ST6GALNAC3: variants seen among roughly 807,000 people sequenced by gnomAD.
ST6GALNAC3 encodes the protein ST6 N-acetylgalactosaminide alpha-2,6-sialyltransferase 3, also known as alpha-N-acetylgalactosaminide alpha-2,6-sialyltransferase 3.
Under a neutral mutation model 32.7 loss-of-function variants are expected in ST6GALNAC3, and 25 were observed. The observed-to-expected ratio is 0.76, with a 90% CI of 0.56 to 1.07. The LOEUF (loss-of-function observed/expected upper bound fraction) is 1.07. ST6GALNAC3 is among the 50% of genes least tolerant of loss of function. The probability of loss-of-function intolerance (pLI) is 0.00; values close to 1 mark genes in which losing one functional copy is unlikely to be tolerated. For synonymous variants in ST6GALNAC3, 129 were observed against 133.1 expected (o/e 0.97, Z 0.21); for missense variants, 355 against 382.4 (o/e 0.93, Z 0.60).
At chr1:76,635,994 C>A (rs1488500499), downstream of ST6GALNAC3, among the ~76,000 whole-genome samples, 1 of 152,102 alleles carries the variant, frequency 6.6e-6, no homozygotes, top group Non-Finnish European at 1.5e-5. Flanking sequence ...GACATAATAG[C>A]TGAAAAAGAA....
intron 3 of ST6GALNAC3, among the ~76,000 whole-genome samples, chr1:76,455,387 G>A (rs1657701187): frequency 6.6e-6 from 1 of 152,158 alleles, no homozygotes; most frequent in South Asian, 2.1e-4. Flanking sequence ...ATGTGTTTGA[G>A]TGGAAGGTTT....
intron 3 of ST6GALNAC3, among the ~76,000 whole-genome samples, chr1:76,421,245 T>G (rs1209890248): frequency 6.6e-6 from 1 of 152,114 alleles, no homozygotes; most frequent in Non-Finnish European, 1.5e-5. Flanking sequence ...AGGATTGGAT[T>G]TTGATAGAAA....
rs1019525055 is a variant in ST6GALNAC3, at chr1:76,439,778, A to G, written c.623+27361A>G. The stretch of plus-strand genomic sequence containing the variant: ...AGATAAGGAGCTTGTCACACACCAG[A>G]CTGAACAAGTAGCAAATACAAGAGT... On this transcript the variant is annotated intron_variant, in intron 3 of 4. Coordinates refer to ENST00000328299, the MANE Select transcript of ST6GALNAC3 (RefSeq NM_152996.4). 3.9e-5 allele frequency among the ~76,000 whole-genome samples: 6 copies of G among 152,202 alleles called. No individual in the cohort carries two copies. The East Asian group carries it at 1.2e-3, about 29-fold the overall frequency.
intron 3 of ST6GALNAC3, among the ~76,000 whole-genome samples, chr1:76,479,020 C>G (rs1458056491): frequency 1.3e-5 from 2 of 152,042 alleles, no homozygotes; most frequent in East Asian, 1.9e-4. Context: ...ACCTTGGCCT[C>G]CCAAAGTGCT....
At position 76,385,716 on chromosome 1, in the gene ST6GALNAC3, T is replaced by C. The variant is rs186996476; in HGVS notation, c.214-26292T>C. Among the ~76,000 whole-genome samples the C allele has an allele frequency of 1.9e-3, 282 of 152,206 alleles. 1 individual carries two copies. Among genetic ancestry groups the C allele is most frequent in the African/African-American group, 6.4e-3 (267 of 41,548 alleles). On this transcript the variant is annotated intron_variant, in intron 2 of 4. Coordinates refer to ENST00000328299, the MANE Select transcript of ST6GALNAC3 (RefSeq NM_152996.4). ...TACAAGCAATCAGGAAGACGGGCTTTCTGGACAGCGAGAAGGGAAGATATT... is the reference window on the plus strand; with the variant it reads ...TACAAGCAATCAGGAAGACGGGCTTCCTGGACAGCGAGAAGGGAAGATATT...
At chr1:76,448,615 G>A (rs1432045811) in intron 3 of ST6GALNAC3, among the ~76,000 whole-genome samples, 1 of 152,102 alleles carries the variant, frequency 6.6e-6, no homozygotes, top group East Asian at 1.9e-4. Flanking sequence ...GTCTTTCCCT[G>A]TGGGAGCATG....
At chr1:76,113,396 T>C (rs766933411) in intron 1 of ST6GALNAC3, among the ~76,000 whole-genome samples, 1 of 151,750 alleles carries the variant, frequency 6.6e-6, no homozygotes, top group Non-Finnish European at 1.5e-5. Flanking sequence ...TATGGGGTCT[T>C]ATCTGCAAAC....
chr1:76,131,936 A>G (rs555072326), intron 1 of ST6GALNAC3, among the ~76,000 whole-genome samples: 1 of 152,310 alleles, frequency 6.6e-6, no homozygotes, highest in Admixed American at 6.5e-5. Context: ...TGCAAGGGGT[A>G]CCATGATCAT....
chr1:76,258,392 C>T (rs1037455448), intron 1 of ST6GALNAC3, among the ~76,000 whole-genome samples: 1 of 152,170 alleles, frequency 6.6e-6, no homozygotes, highest in Middle Eastern at 3.2e-3. Context: ...TCAAATACTG[C>T]TTCTTCAGAT....
At chr1:76,406,078 TA>T (rs1000777586) in intron 2 of ST6GALNAC3, among the ~76,000 whole-genome samples, 2 of 151,868 alleles carry the variant, frequency 1.3e-5, no homozygotes, top group Non-Finnish European at 2.9e-5. Flanking sequence ...TATAATAAAA[TA>T]AAAATAAAAA....
At chr1:76,254,083 T>C (rs1309890188) in intron 1 of ST6GALNAC3, among the ~76,000 whole-genome samples, 4 of 152,128 alleles carry the variant, frequency 2.6e-5, no homozygotes, top group Non-Finnish European at 5.9e-5. Flanking sequence ...GAAAATGACT[T>C]TATTTCTTCG....
intron 1 of ST6GALNAC3, among the ~76,000 whole-genome samples, chr1:76,244,543 C>T (rs141269761): frequency 6.6e-6 from 1 of 152,208 alleles, no homozygotes; most frequent in African/African-American, 2.4e-5. Flanking sequence ...AAAGAGAATG[C>T]TTCCAGGTTT....
chr1:76,561,670 A>G (rs1342776537), intron 3 of ST6GALNAC3, among the ~76,000 whole-genome samples: 1 of 152,218 alleles, frequency 6.6e-6, no homozygotes, highest in Non-Finnish European at 1.5e-5. Flanking sequence ...CACTGCTGAT[A>G]GGGAATCAAA....
chr1:76,163,117 T>C (rs927798910), intron 1 of ST6GALNAC3, among the ~76,000 whole-genome samples: 2 of 152,238 alleles, frequency 1.3e-5, no homozygotes, highest in African/African-American at 4.8e-5. Flanking sequence ...CTCTTTTTAA[T>C]GAAGCTTCCT....
chr1:76,201,903 G>C (rs1654541537), intron 1 of ST6GALNAC3, among the ~76,000 whole-genome samples: 1 of 152,072 alleles, frequency 6.6e-6, no homozygotes, highest in Admixed American at 6.6e-5. Context: ...TATGTACACA[G>C]CATTTGGCAT....
At position 76,628,700 on chromosome 1, in the gene ST6GALNAC3, A is replaced by G. The variant is rs1050875077; in HGVS notation, c.812A>G (p.His271Arg). Residue 271 changes from histidine (H) to arginine (R), a missense_variant, in exon 5 of 5, where the codon CAT becomes CGT. Transcript: ENST00000328299. Reference sequence around the variant, plus strand: ...TGTGATGAATATTTTCTTCATGAACATGCCCCATATGGGGGTCATAGGTTT... The same window carrying G: ...TGTGATGAATATTTTCTTCATGAACGTGCCCCATATGGGGGTCATAGGTTT... Reference protein sequence around the residue: ...DECDEYFLHEHAPYGGHRFIT... With the variant: ...DECDEYFLHERAPYGGHRFIT... 4 of 1,612,356 alleles carry G rather than the reference A, an allele frequency of 2.5e-6. No homozygotes were observed. The highest frequency in any genetic ancestry group is 2.5e-6 in the Non-Finnish European group (3 of 1,179,076).
intron 1 of ST6GALNAC3, among the ~76,000 whole-genome samples, chr1:76,157,310 G>A (rs900642855): frequency 6.6e-6 from 1 of 152,102 alleles, no homozygotes; most frequent in African/African-American, 2.4e-5. Flanking sequence ...GATCATTCTA[G>A]CCTTCCCCCT....
intron 1 of ST6GALNAC3, among the ~76,000 whole-genome samples, chr1:76,275,007 T>C (rs72998571): frequency 0.014 from 2,146 of 152,280 alleles, 45 homozygotes; most frequent in African/African-American, 0.049. Flanking sequence ...AGAATAATAG[T>C]GTGGTGTCCC....
chr1:76,422,860 G>A (rs1388449121), intron 3 of ST6GALNAC3, among the ~76,000 whole-genome samples: 1 of 151,936 alleles, frequency 6.6e-6, no homozygotes, highest in Non-Finnish European at 1.5e-5. Flanking sequence ...TCACGGCGAG[G>A]AGTTTTTTAA....
Sources: allele counts gnomAD v4.1 joint callset (sites outside exome capture counted in the v4.1 genomes callset), GRCh38; gene constraint gnomAD v4.1.1; transcripts MANE v1.5; gene names NCBI Gene and HGNC (gene_info 2026-07-23, HGNC 2026-07-21).